The following LRGUK variants were observed in gnomAD, a reference collection of about 807,000 sequenced individuals.
LRGUK encodes the protein leucine rich repeats and guanylate kinase domain containing.
A neutral mutation model predicts 76.0 loss-of-function variants in LRGUK; 65 were observed. That is an observed-to-expected ratio of 0.85 (90% CI 0.70 to 1.05). LRGUK has a LOEUF of 1.05. LRGUK is among the 50% of genes least tolerant of loss of function. The probability of loss-of-function intolerance (pLI) is 0.00; values close to 1 mark genes in which losing one functional copy is unlikely to be tolerated. For missense variants in LRGUK, 758 were observed against 732.8 expected (o/e 1.03, Z -0.40); for synonymous variants, 268 against 265.6 (o/e 1.01, Z -0.09).
At chr7:134,255,494 C>T (rs965918082) in intron 18 of LRGUK, among the ~76,000 whole-genome samples, 1 of 152,174 alleles carries the variant, frequency 6.6e-6, no homozygotes, top group Non-Finnish European at 1.5e-5. Flanking sequence ...TAGAGAAACA[C>T]CAATGACACA....
At chr7:134,190,889 G>T (rs866726718) in intron 11 of LRGUK, among the ~76,000 whole-genome samples, 19 of 148,230 alleles carry the variant, frequency 1.3e-4, no homozygotes, top group Middle Eastern at 3.5e-3. Flanking sequence ...AAGCAGTTCT[G>T]GGGATAGACA....
chr7:134,199,215 C>T lies in LRGUK; in HGVS notation c.1546-5C>T. The T allele has an allele frequency of 6.2e-7, 1 of 1,611,382 alleles. No homozygotes were observed. The highest frequency in any genetic ancestry group is 8.5e-7 in the Non-Finnish European group (1 of 1,177,948). ...CCAATTTATTATCTTCCTTTTAATG[C>T]ACAGGGTGTAAGAAGTTTGAAATAT... On this transcript the variant is annotated splice_region_variant and splice_polypyrimidine_tract_variant and intron_variant, in intron 13 of 15. Transcript: ENST00000645682.
chr7:134,131,268 T>A (rs1436801174), intron 1 of LRGUK, among the ~76,000 whole-genome samples: 1 of 152,192 alleles, frequency 6.6e-6, no homozygotes, highest in Non-Finnish European at 1.5e-5. Flanking sequence ...TGATACAGAA[T>A]AGACTTTCAA....
At chr7:134,221,661 G>T (rs117519505) in intron 15 of LRGUK, 118 bp from the exon 16 acceptor site, 8 of 621,034 alleles carry the variant, frequency 1.3e-5, no homozygotes, top group Non-Finnish European at 1.9e-5. Flanking sequence ...GTTGAAATGC[G>T]CACATTTTAA....
At position 134,187,663 on chromosome 7, in the gene LRGUK, A is replaced by G. The variant is rs149444336; in HGVS notation, c.1334+3810A>G. Among the ~76,000 whole-genome samples the G allele has an allele frequency of 2.2e-3, 342 of 152,300 alleles. 2 individuals are homozygous for G. The highest frequency in any genetic ancestry group is 7.9e-3 in the African/African-American group (327 of 41,560). On this transcript the variant is annotated intron_variant, in intron 11 of 15. Transcript: ENST00000645682. ...TTAGTTATGGGTGACCTGGAGATAT[A>G]CATTTACTTTCTTCAAAGTCTCTCT... is the stretch of plus-strand genomic sequence containing the variant.
At chr7:134,182,007 C>G (rs1240161344) in intron 10 of LRGUK, among the ~76,000 whole-genome samples, 1 of 152,180 alleles carries the variant, frequency 6.6e-6, no homozygotes, top group Non-Finnish European at 1.5e-5. Context: ...CTCCCTCCCT[C>G]TCATCTTCCC....
intron 4 of LRGUK, among the ~76,000 whole-genome samples, chr7:134,148,000 T>G (rs190160604): frequency 1.1e-3 from 162 of 148,560 alleles, no homozygotes; most frequent in African/African-American, 3.8e-3. Context: ...AGGTGGAGGT[T>G]GCAGTGAGCT....
exon 19 of LRGUK, chr7:134,258,299 G>A (rs1429038402): frequency 6.2e-7 from 1 of 1,613,938 alleles, no homozygotes. Context: ...CATTGTTTCG[G>A]TTCTGTCCGT....
At chr7:134,274,838 C>T in the LRGUK span, among the ~76,000 whole-genome samples, 1 of 152,102 alleles carries the variant, frequency 6.6e-6, no homozygotes. Context: ...TCAATCTTAT[C>T]TTTTTAATGT....
chr7:134,197,612 G>A (rs1800558967), intron 13 of LRGUK, among the ~76,000 whole-genome samples: 1 of 152,074 alleles, frequency 6.6e-6, no homozygotes, highest in South Asian at 2.1e-4. Context: ...TGAGATGTGT[G>A]GGCTGTGCTG....
At position 134,137,032 on chromosome 7, in the gene LRGUK, G is replaced by T. The variant is rs553984199; in HGVS notation, c.307G>T (p.Asp103Tyr). ...TCTGGGTTTTTTACAGGAGGAATTT[G>T]ATGGGGTCCTGAGAGAGGAGGCTGT... The change falls in exon 2 of 16, where the codon GAT (aspartate) becomes TAT (tyrosine). Residue 103 changes from aspartate (D) to tyrosine (Y), a missense_variant. Coordinates refer to ENST00000645682, the Ensembl canonical transcript of LRGUK. The T allele has an allele frequency of 4.3e-5, 70 of 1,612,858 alleles. No individual in the cohort carries two copies. The highest frequency in any genetic ancestry group is 5.5e-5 in the Non-Finnish European group (65 of 1,179,438).
intron 18 of LRGUK, among the ~76,000 whole-genome samples, chr7:134,256,459 CAAAAAAAAA>C (rs34522132): frequency 1.7e-5 from 1 of 57,492 alleles, no homozygotes; most frequent in Non-Finnish European, 4.0e-5. Flanking sequence ...AACTCTGTCT[CAAAAAAAAA>C]AAAAAAAAAA....
intron 4 of LRGUK, among the ~76,000 whole-genome samples, chr7:134,147,628 A>G (rs367688281): frequency 6.6e-6 from 1 of 152,170 alleles, no homozygotes; most frequent in East Asian, 1.9e-4. Context: ...AAGACCAAGG[A>G]AATTTAAAAT....
At chr7:134,137,157 T>C (rs764978822) in intron 2 of LRGUK, 27 bp downstream of exon 2, 30 of 1,507,858 alleles carry the variant, frequency 2.0e-5, no homozygotes, top group Non-Finnish European at 2.7e-5. Flanking sequence ...CTCCATTGGC[T>C]GGCTACAGCT....
intron 11 of LRGUK, among the ~76,000 whole-genome samples, chr7:134,184,625 C>T (rs1005002742): frequency 1.2e-4 from 18 of 152,214 alleles, no homozygotes; most frequent in Non-Finnish European, 2.1e-4. Context: ...CAATGACTCC[C>T]CTGCTCCCTG....
rs1286546649 is a variant in LRGUK at position 134,215,932 on chromosome 7, GA to G, written c.1844-5846del. ...AACCTCTAATCTTAAAACTGATTAT[GA>G]GAGTGCAGTCATGATTTGCAAAAGC... On this transcript the variant is annotated intron_variant, in intron 15 of 19. Transcript: ENST00000285928. Among the ~76,000 whole-genome samples the G allele has an allele frequency of 4.6e-5, 7 of 152,290 alleles. No homozygotes were observed. In the East Asian group the frequency reaches 1.2e-3, roughly 25 times the overall value.
At chr7:134,150,479 C>CAAAAAAAAAAAAAA (rs11403705) in intron 5 of LRGUK, among the ~76,000 whole-genome samples, 1 of 134,574 alleles carries the variant, frequency 7.4e-6, no homozygotes, top group Non-Finnish European at 1.6e-5. Context: ...AACAAGCAAA[C>CAAAAAAAAAAAAAA]AAAAAAAAAA....
intron 18 of LRGUK, among the ~76,000 whole-genome samples, chr7:134,252,077 T>C (rs1802460604): frequency 6.6e-6 from 1 of 151,994 alleles, no homozygotes; most frequent in South Asian, 2.1e-4. Flanking sequence ...CTCACACCTC[T>C]AATTCCAGTA....
intron 4 of LRGUK, among the ~76,000 whole-genome samples, chr7:134,145,136 G>A (rs511411): frequency 0.23 from 34,383 of 152,136 alleles, 4,933 homozygotes; most frequent in South Asian, 0.35. Flanking sequence ...TCATTTTAGA[G>A]AAGTGTGTAC....
Sources: gnomAD v4.1 joint callset for allele counts (sites outside exome capture counted in the v4.1 genomes callset) on GRCh38, gnomAD v4.1.1 for gene constraint, MANE v1.5 for transcripts, NCBI Gene and HGNC (gene_info 2026-07-23, HGNC 2026-07-21) for gene names.